MYCBP2: variants seen among roughly 807,000 people sequenced by gnomAD.
MYCBP2 encodes E3 ubiquitin-protein ligase MYCBP2.
Under a neutral mutation model 525.3 loss-of-function variants are expected in MYCBP2, and 120 were observed. That is an observed-to-expected ratio of 0.23 (90% CI 0.20 to 0.27). The LOEUF is 0.27. Ranked by LOEUF, MYCBP2 falls within the 10% of genes least tolerant of loss-of-function variation. MYCBP2 has a pLI of 1.00. For missense variants in MYCBP2, 4,149 were observed against 5,657.1 expected (o/e 0.73, Z 8.55); for synonymous variants, 1,894 against 1,955.8 (o/e 0.97, Z 0.83).
intron 59 of MYCBP2, chr13:77,092,383 G>A (rs1185039251): frequency 6.6e-6 from 1 of 151,742 alleles, no homozygotes; most frequent in African/African-American, 2.4e-5. Context: ...CTTCTCAATT[G>A]TCACTGTGAG....
intron 1 of MYCBP2, among the ~76,000 whole-genome samples, chr13:77,303,743 C>G (rs185627028): frequency 6.3e-4 from 94 of 150,388 alleles, no homozygotes; most frequent in African/African-American, 2.3e-3. Flanking sequence ...AATGCATCTC[C>G]TTTTGCATAC....
intron 20 of MYCBP2, among the ~76,000 whole-genome samples, chr13:77,221,111 T>C (rs2065486643): frequency 6.6e-6 from 1 of 152,190 alleles, no homozygotes; most frequent in South Asian, 2.1e-4. Flanking sequence ...ATGTAGCATC[T>C]ACCAGTTACT....
At chr13:77,161,590 C>A (rs1374571403) in intron 44 of MYCBP2, among the ~76,000 whole-genome samples, 1 of 152,130 alleles carries the variant, frequency 6.6e-6, no homozygotes, top group Non-Finnish European at 1.5e-5. Context: ...AAAAGAAAAA[C>A]AAATTCTTTC....
At chr13:77,220,258 A>C (rs750611458) in intron 20 of MYCBP2, among the ~76,000 whole-genome samples, 7 of 152,124 alleles carry the variant, frequency 4.6e-5, no homozygotes, top group African/African-American at 1.4e-4. Flanking sequence ...GGGTGAAAAA[A>C]GAGTAAAAAA....
chr13:77,207,981 G>T (rs2063550583), intron 23 of MYCBP2, among the ~76,000 whole-genome samples: 1 of 117,872 alleles, frequency 8.5e-6, no homozygotes, highest in Admixed American at 1.1e-4. Flanking sequence ...AGCCCCAGAT[G>T]AATGAGTATT....
Position 77,098,484 on chromosome 13 carries a change from T to C in MYCBP2, c.8670A>G (p.Glu2890=). 1 of 1,613,716 alleles carries C rather than the reference T, an allele frequency of 6.2e-7. No homozygotes were observed. ...GTGACGTTGACCGTCCTCTCAAAGGTTCTGTGAGGGGCATTTTCTTCTTGC... is the reference window on the plus strand; with the variant it reads ...GTGACGTTGACCGTCCTCTCAAAGGCTCTGTGAGGGGCATTTTCTTCTTGC... The part of the protein sequence containing the change: ...TLRKKKMPLT[E]PLRGRSTSPK... The change falls in exon 56 of 83, where the codon GAA becomes GAG. Residue 2890 remains glutamate (E), a synonymous_variant. Coordinates refer to ENST00000544440, the MANE Select transcript of MYCBP2 (RefSeq NM_015057.5).
intron 31 of MYCBP2, 24 bp from the exon 32 acceptor site, chr13:77,185,401 G>T: frequency 6.3e-7 from 1 of 1,593,242 alleles, no homozygotes; most frequent in South Asian, 1.1e-5. Context: ...AAAGCAGATT[G>T]GTAATTAAGC....
chr13:77,121,430 T>C lies in MYCBP2; in HGVS notation c.8083A>G (p.Asn2695Asp). The change falls in exon 55 of 83, where the codon AAT (asparagine) becomes GAT (aspartate). Residue 2695 changes from asparagine to aspartate, a missense_variant. Asn to Asp is a conservative substitution (Grantham distance 23). Transcript: ENST00000544440. The part of the protein sequence containing the change: ...PPSPFSVQAF[N>D]KGASCSAQGF... ...TGGGCACTGCAACTTGCCCCTTTAT[T>C]AAAAGCTTGCACTGAGAAAGGGCTT... The C allele has an allele frequency of 6.3e-7, 1 of 1,598,220 alleles. No homozygotes were observed. Among genetic ancestry groups the C allele is most frequent in the Non-Finnish European group, 8.6e-7 (1 of 1,169,158 alleles).
chr13:77,318,565 C>T (rs1210631416), intron 1 of MYCBP2, among the ~76,000 whole-genome samples: 1 of 152,076 alleles, frequency 6.6e-6, no homozygotes, highest in Non-Finnish European at 1.5e-5. Context: ...ACCAGCCTGA[C>T]CAATATGGTG....
At chr13:77,181,660 T>C (rs748169962) in intron 33 of MYCBP2, 41 bp downstream of exon 33, 11 of 1,534,410 alleles carry the variant, frequency 7.2e-6, no homozygotes, top group Non-Finnish European at 9.9e-6. Flanking sequence ...CCATTTAGAG[T>C]TTTAGTGCCT....
chr13:77,096,855 T>C (rs1403463347), intron 56 of MYCBP2, among the ~76,000 whole-genome samples: 1 of 152,170 alleles, frequency 6.6e-6, no homozygotes, highest in Non-Finnish European at 1.5e-5. Flanking sequence ...GTATAATATG[T>C]AGACAAAGAA....
intron 13 of MYCBP2, among the ~76,000 whole-genome samples, chr13:77,258,599 T>C (rs1594407709): frequency 6.6e-6 from 1 of 152,246 alleles, no homozygotes; most frequent in African/African-American, 2.4e-5. Context: ...CAGATATCAC[T>C]ACCTTAAGGT....
chr13:77,135,144 A>G (rs2053548255), intron 52 of MYCBP2, among the ~76,000 whole-genome samples: 1 of 152,226 alleles, frequency 6.6e-6, no homozygotes, highest in Non-Finnish European at 1.5e-5. Context: ...AGATAGACAC[A>G]AACAGTGCTG....
intron 2 of MYCBP2, 118 bp downstream of exon 2, chr13:77,296,481 C>A (rs1229748905): frequency 2.7e-6 from 3 of 1,129,320 alleles, no homozygotes; most frequent in Non-Finnish European, 2.4e-6. Flanking sequence ...AGGGCTTTTA[C>A]AAAATTACTT....
chr13:77,150,361 C>T (rs376632688), intron 47 of MYCBP2, among the ~76,000 whole-genome samples: 1 of 152,248 alleles, frequency 6.6e-6, no homozygotes, highest in Non-Finnish European at 1.5e-5. Flanking sequence ...AGGCTGGTCT[C>T]GAACTCTTGG....
At chr13:77,241,278 C>T (rs1160888222) in intron 17 of MYCBP2, among the ~76,000 whole-genome samples, 1 of 151,946 alleles carries the variant, frequency 6.6e-6, no homozygotes, top group African/African-American at 2.4e-5. Flanking sequence ...ATATACTATA[C>T]CTAGAGAAGA....
At chr13:77,249,026 CTCT>C (rs1157237219) in intron 15 of MYCBP2, among the ~76,000 whole-genome samples, 1 of 152,148 alleles carries the variant, frequency 6.6e-6, no homozygotes, top group Admixed American at 6.5e-5. Flanking sequence ...AAGACAAATA[CTCT>C]GATTCTCTTT....
intron 19 of MYCBP2, 123 bp downstream of exon 19, chr13:77,225,312 G>T: frequency 7.9e-7 from 1 of 1,273,712 alleles, no homozygotes; most frequent in Non-Finnish European, 1.1e-6. Flanking sequence ...TTACAGATTT[G>T]AGAGACTGCC....
intron 4 of MYCBP2, among the ~76,000 whole-genome samples, chr13:77,274,030 G>A (rs2075220554): frequency 6.6e-6 from 1 of 152,126 alleles, no homozygotes; most frequent in Non-Finnish European, 1.5e-5. Context: ...AAAATGTTAA[G>A]TGTCCAGGAA....
Sources: allele counts gnomAD v4.1 joint callset (sites outside exome capture counted in the v4.1 genomes callset), GRCh38; gene constraint gnomAD v4.1.1; transcripts MANE v1.5; gene names NCBI Gene and HGNC (gene_info 2026-07-23, HGNC 2026-07-21).